The following AGXT2 variants were observed in gnomAD, a reference collection of about 807,000 sequenced individuals.
The protein encoded by AGXT2 is alanine--glyoxylate aminotransferase 2.
A neutral mutation model predicts 62.5 loss-of-function variants in AGXT2; 61 were observed. The ratio of observed to expected loss-of-function variants is 0.98; its 90% CI spans 0.79 to 1.21. The LOEUF is 1.21. AGXT2 is among the 50% of genes most tolerant of loss of function. The pLI is 0.00. For synonymous variants in AGXT2, 243 were observed against 218.7 expected (o/e 1.11, Z -0.98); for missense variants, 666 against 641.5 (o/e 1.04, Z -0.41).
intron 5 of AGXT2, 97 bp from the exon 6 acceptor site, chr5:35,033,650 ACAT>A (rs1433574112): frequency 1.1e-6 from 1 of 907,828 alleles, no homozygotes; most frequent in Admixed American, 1.9e-5. Flanking sequence ...ATGAAATAGA[ACAT>A]CATTCGCATT....
intron 7 of AGXT2, among the ~76,000 whole-genome samples, 172 bp downstream of exon 7, chr5:35,032,560 A>G (rs942490498): frequency 6.6e-6 from 1 of 152,208 alleles, no homozygotes; most frequent in East Asian, 1.9e-4. Flanking sequence ...GATAGCAGAC[A>G]TAAGCGTTGA....
intron 4 of AGXT2, among the ~76,000 whole-genome samples, chr5:35,035,556 A>T (rs183013247): frequency 2.6e-5 from 4 of 151,964 alleles, no homozygotes; most frequent in African/African-American, 9.6e-5. Context: ...GCTGTGCAAC[A>T]TTCCTGGCTT....
chr5:35,044,211 C>T (rs1055820039), intron 1 of AGXT2, among the ~76,000 whole-genome samples: 2 of 152,160 alleles, frequency 1.3e-5, no homozygotes, highest in African/African-American at 2.4e-5. Context: ...ACACTGCCTC[C>T]CATGGAGGCC....
intron 13 of AGXT2, 31 bp downstream of exon 13, chr5:35,003,732 A>G (rs1270046061): frequency 1.3e-6 from 2 of 1,558,686 alleles, no homozygotes; most frequent in Admixed American, 1.7e-5. Context: ...TCCTACCTAG[A>G]GCGATAGGTA....
intron 11 of AGXT2, 27 bp from the exon 12 acceptor site, chr5:35,010,176 T>G (rs758502169): frequency 6.2e-7 from 1 of 1,613,984 alleles, no homozygotes; most frequent in Admixed American, 1.7e-5. Context: ...CCAAATGATC[T>G]TACATGGCAG....
intron 7 of AGXT2, among the ~76,000 whole-genome samples, chr5:35,028,772 G>A (rs344511): frequency 0.94 from 142,756 of 152,190 alleles, 67,415 homozygotes; most frequent in Non-Finnish European, 1. Flanking sequence ...GACCAAAGGA[G>A]TGCAGAGAAA....
rs564024097 is a variant in AGXT2, at chr5:35,027,052, C to T, written c.770-542G>A. On this transcript the variant is annotated intron_variant, in intron 7 of 13. Transcript: ENST00000231420. ...CGAGAGCTAGGTGGCTTCCATCCAT[C>T]GCAGCCCTTGGCACTTGGTCCTGTG... 42 of 981,644 alleles carry T rather than the reference C, an allele frequency of 4.3e-5. No homozygotes were observed. The South Asian group carries it at 9.0e-4, about 21-fold the overall frequency. 60.8% of individuals were successfully genotyped at this position (981,644 alleles called of 1,614,324 possible).
intron 8 of AGXT2, chr5:35,026,085 T>C: frequency 1.7e-6 from 1 of 598,206 alleles, no homozygotes. Flanking sequence ...TAGAAAACAG[T>C]AGAATAAAAG....
rs540445435 is a variant in AGXT2 at position 35,012,080 on chromosome 5, C to T, written c.1188+874G>A. 2.0e-5 allele frequency among the ~76,000 whole-genome samples: 3 copies of T among 151,916 alleles called. 1 individual carries two copies. The highest frequency in any genetic ancestry group is 2.1e-4 in the South Asian group (1 of 4,798). ...ACAATAGACATTGGAGACCCAGAAG[C>T]GGGGAAGCTGGGAGGGGGGTGAGGG... On this transcript the variant is annotated intron_variant, in intron 11 of 13. Transcript: ENST00000231420.
chr5:35,004,451 C>G (rs1350065459), intron 12 of AGXT2, among the ~76,000 whole-genome samples: 1 of 152,170 alleles, frequency 6.6e-6, no homozygotes, highest in Non-Finnish European at 1.5e-5. Flanking sequence ...GAGCCGAGAG[C>G]CTGTGTCAGA....
At chr5:35,009,954 C>T (rs1766564104) in intron 12 of AGXT2, 46 bp downstream of exon 12, 3 of 1,613,072 alleles carry the variant, frequency 1.9e-6, no homozygotes, top group Non-Finnish European at 2.5e-6. Flanking sequence ...CCTATATCTC[C>T]TGCTGGCTCC....
chr5:35,024,421 T>C (rs1158441381), intron 9 of AGXT2, among the ~76,000 whole-genome samples: 1 of 152,184 alleles, frequency 6.6e-6, no homozygotes, highest in Non-Finnish European at 1.5e-5. Context: ...AGGACTGCTT[T>C]ATTTGATACA....
chr5:35,005,420 G>T (rs1268360776), intron 12 of AGXT2, among the ~76,000 whole-genome samples: 1 of 152,050 alleles, frequency 6.6e-6, no homozygotes, highest in East Asian at 1.9e-4. Context: ...GTAGAGATGG[G>T]GTTTCACTAT....
chr5:35,026,423 G>A lies in AGXT2; in HGVS notation c.857C>T (p.Ala286Val). ...SVAKSIAGFF[A>V]EPIQGVNGVV... ...TCATATACCCACTTGAATAGGTTCTGCGAAAAATCCAGCAATTGACTTGGC... is the reference window on the plus strand; with the variant it reads ...TCATATACCCACTTGAATAGGTTCTACGAAAAATCCAGCAATTGACTTGGC... Residue 286 changes from alanine to valine, a missense_variant, in exon 8 of 14, where the codon GCA (alanine) becomes GTA (valine). Physicochemically the swap from Ala to Val is moderately conservative, Grantham distance 64. Coordinates refer to ENST00000231420, the MANE Select transcript of AGXT2 (RefSeq NM_031900.4). The A allele has an allele frequency of 6.2e-7, 1 of 1,613,998 alleles. No homozygotes were observed. The highest frequency in any genetic ancestry group is 8.5e-7 in the Non-Finnish European group (1 of 1,179,884).
intron 9 of AGXT2, among the ~76,000 whole-genome samples, chr5:35,022,445 T>G (rs1286287326): frequency 6.6e-6 from 1 of 151,576 alleles, no homozygotes; most frequent in Admixed American, 6.6e-5. Context: ...AAATTGGAAA[T>G]AATCATTCTC....
chr5:35,021,686 C>T (rs1167191534), intron 9 of AGXT2, among the ~76,000 whole-genome samples: 15 of 152,240 alleles, frequency 9.9e-5, no homozygotes, highest in South Asian at 2.1e-4. Flanking sequence ...GTCTAAAACG[C>T]CAAAAGCAAT....
In AGXT2 at chr5:35,045,211, T is replaced by C. The variant is rs189457794; in HGVS notation, c.88+2594A>G. 3.6e-4 allele frequency among the ~76,000 whole-genome samples: 55 copies of C among 152,318 alleles called. 1 individual carries two copies. The highest frequency in any genetic ancestry group is 7.3e-5 in the Non-Finnish European group (5 of 68,034). On this transcript the variant is annotated intron_variant, in intron 1 of 13. Transcript: ENST00000231420. ...TCAAAGTGTAAACAAAGCTGAACAT[T>C]TTATGCATATGAATATTGTACAGTA...
chr5:35,026,074 T>C (rs985687870), intron 8 of AGXT2: 18 of 605,184 alleles, frequency 3.0e-5, no homozygotes, highest in Middle Eastern at 4.2e-4. Context: ...TTTTCTGAGA[T>C]TAGAAAACAG....
At chr5:34,998,900 T>A in intron 13 of AGXT2, 74 bp from the exon 14 acceptor site, 1 of 1,138,516 alleles carries the variant, frequency 8.8e-7, no homozygotes, top group Non-Finnish European at 1.3e-6. Flanking sequence ...TGCACTAAAC[T>A]AAAAATCCAA....
Sources: allele counts gnomAD v4.1 joint callset (sites outside exome capture counted in the v4.1 genomes callset), GRCh38; gene constraint gnomAD v4.1.1; transcripts MANE v1.5; gene names NCBI Gene and HGNC (gene_info 2026-07-23, HGNC 2026-07-21).